Variants in AFG2B observed in about 807,000 individuals in gnomAD.
AFG2B encodes AAA ATPase AFG2B.
the AFG2B span, chr15:45,405,483 A>G: frequency 6.2e-7 from 1 of 1,613,516 alleles, no homozygotes; most frequent in African/African-American, 1.3e-5. Context: ...GCTGCCATGC[A>G]TGCCCTCCTT....
chr15:45,405,541 C>G, the AFG2B span: 1 of 1,585,208 alleles, frequency 6.3e-7, no homozygotes. Context: ...CTATGTTAAT[C>G]TATTATTGTA....
chr15:45,414,487 G>C, the AFG2B span: 1 of 1,314,422 alleles, frequency 7.6e-7, no homozygotes, highest in Non-Finnish European at 1.1e-6. Flanking sequence ...GCTGAGAATT[G>C]TTAAATGAAG....
chr15:45,409,838 G>A, the AFG2B span, among the ~76,000 whole-genome samples: 5 of 152,134 alleles, frequency 3.3e-5, no homozygotes, highest in South Asian at 1.0e-3. Context: ...CTGCATTCCA[G>A]CCTGGGTAAC....
At chr15:45,413,305 G>T in the AFG2B span, among the ~76,000 whole-genome samples, 1 of 152,146 alleles carries the variant, frequency 6.6e-6, no homozygotes, top group Non-Finnish European at 1.5e-5. Context: ...TCAGAAATCT[G>T]TATATCTAGA....
At chr15:45,405,147 CTG>C in the AFG2B span, among the ~76,000 whole-genome samples, 1 of 152,212 alleles carries the variant, frequency 6.6e-6, no homozygotes, top group African/African-American at 2.4e-5. Context: ...TTCTACCTAA[CTG>C]TATGTTTGTA....
At chr15:45,420,267 T>C in the AFG2B span, among the ~76,000 whole-genome samples, 2 of 152,206 alleles carry the variant, frequency 1.3e-5, no homozygotes, top group African/African-American at 4.8e-5. Flanking sequence ...TTTGCTATTA[T>C]GAGTTATGCT....
chr15:45,409,738 T>TTAAAACTAC, the AFG2B span, among the ~76,000 whole-genome samples: 1 of 152,036 alleles, frequency 6.6e-6, no homozygotes, highest in African/African-American at 2.4e-5. Context: ...GCCAGGCTGG[T>TTAAAACTAC]GGCACATACC....
chr15:45,414,205 TGAGG>T, the AFG2B span, among the ~76,000 whole-genome samples: 1 of 152,122 alleles, frequency 6.6e-6, no homozygotes, highest in African/African-American at 2.4e-5. Context: ...ACCTGAGTGA[TGAGG>T]GATAGCCACA....
chr15:45,414,546 C>G, the AFG2B span: 410 of 1,602,136 alleles, frequency 2.6e-4, no homozygotes, highest in Non-Finnish European at 3.3e-4. Flanking sequence ...ACTAAAACAA[C>G]TCTTCTCTTT....
At chr15:45,406,308 G>A in the AFG2B span, among the ~76,000 whole-genome samples, 9 of 152,184 alleles carry the variant, frequency 5.9e-5, no homozygotes, top group African/African-American at 2.2e-4. Flanking sequence ...CATTGCATCT[G>A]TTAGGCAGCA....
the AFG2B span, chr15:45,402,620 G>T: frequency 6.3e-7 from 1 of 1,577,874 alleles, no homozygotes. Context: ...GCCTGGCCTC[G>T]GCGGGACGGA....
chr15:45,417,268 G>C, the AFG2B span: 3 of 1,613,416 alleles, frequency 1.9e-6, no homozygotes, highest in East Asian at 6.7e-5. Context: ...TTTGCCCTCA[G>C]AGTTTCAAGA....
At chr15:45,417,286 A>G in the AFG2B span, 1 of 1,613,954 alleles carries the variant, frequency 6.2e-7, no homozygotes, top group Non-Finnish European at 8.5e-7. Context: ...AGAAGTTTTT[A>G]ACCGAAGTGT....
At chr15:45,418,601 A>G in the AFG2B span, 3 of 1,613,724 alleles carry the variant, frequency 1.9e-6, no homozygotes, top group Non-Finnish European at 2.5e-6. Flanking sequence ...CCATGCCAAT[A>G]GGGCCTGATG....
chr15:45,408,099 C>T, the AFG2B span, among the ~76,000 whole-genome samples: 120 of 152,190 alleles, frequency 7.9e-4, no homozygotes, highest in Non-Finnish European at 1.3e-3. Flanking sequence ...TAAGAAAAGA[C>T]CAACAGTCCA....
the AFG2B span, among the ~76,000 whole-genome samples, chr15:45,405,929 C>G: frequency 6.6e-6 from 1 of 152,082 alleles, no homozygotes; most frequent in Non-Finnish European, 1.5e-5. Context: ...TTTGCTTTAT[C>G]ATTCTCTCTT....
At chr15:45,413,166 C>CT in the AFG2B span, among the ~76,000 whole-genome samples, 1 of 152,158 alleles carries the variant, frequency 6.6e-6, no homozygotes, top group Non-Finnish European at 1.5e-5. Context: ...GCTTTTCTGC[C>CT]TTTCTGGCCA....
At chr15:45,402,970 C>G in the AFG2B span, 25 of 1,594,932 alleles carry the variant, frequency 1.6e-5, no homozygotes, top group Admixed American at 2.3e-4. Context: ...GGTCACCCCT[C>G]GTACCCGCGT....
At chr15:45,420,314 T>C in the AFG2B span, among the ~76,000 whole-genome samples, 1 of 152,182 alleles carries the variant, frequency 6.6e-6, no homozygotes, top group African/African-American at 2.4e-5. Flanking sequence ...TTAGTTCCCG[T>C]GTCTATTTAT....
Sources: allele counts gnomAD v4.1 joint callset (sites outside exome capture counted in the v4.1 genomes callset), GRCh38; gene constraint gnomAD v4.1.1; transcripts MANE v1.5; gene names NCBI Gene and HGNC (gene_info 2026-07-23, HGNC 2026-07-21).